Variants in FRA10AC1 observed in about 807,000 individuals in gnomAD.
The protein encoded by FRA10AC1 is protein FRA10AC1.
A neutral mutation model predicts 56.5 loss-of-function variants in FRA10AC1; 43 were observed. That is an observed-to-expected ratio of 0.76 (90% CI 0.60 to 0.98). The LOEUF (loss-of-function observed/expected upper bound fraction) is 0.98, where lower values mean the gene tolerates loss of function less well. Among genes scored for constraint, FRA10AC1 ranks in the 50% least tolerant of loss-of-function variants. FRA10AC1 has a pLI of 0.00. For synonymous variants in FRA10AC1, 112 were observed against 110.5 expected (o/e 1.01, Z -0.09); for missense variants, 346 against 351.8 (o/e 0.98, Z 0.13).
At chr10:93,693,430 T>C (rs11591585) in intron 5 of FRA10AC1, among the ~76,000 whole-genome samples, 53,007 of 134,420 alleles carry the variant, frequency 0.39, 13,338 homozygotes, top group Non-Finnish European at 0.52. Context: ...GCTATGGAAC[T>C]GACCAAAGTG....
chr10:93,674,064 T>C lies in FRA10AC1; in HGVS notation c.826+2589A>G, dbSNP rs77413244. 1,128 of 153,962 alleles carry C rather than the reference T, an allele frequency of 7.3e-3. 18 individuals are homozygous for C. Among genetic ancestry groups the C allele is most frequent in the African/African-American group, 0.025 (1,044 of 41,612 alleles). 9.5% of individuals were successfully genotyped at this position (153,962 alleles called of 1,614,324 possible). On this transcript the variant is annotated intron_variant, in intron 12 of 13. Coordinates refer to ENST00000359204, the MANE Select transcript of FRA10AC1 (RefSeq NM_145246.5). ...ATTCTTTGGTTCTTGGGCGATCTCA[T>C]GTGCAAGGTGACTAAAGATAACAAT...
At chr10:93,686,370 C>T (rs1392545957) in intron 8 of FRA10AC1, among the ~76,000 whole-genome samples, 2 of 151,708 alleles carry the variant, frequency 1.3e-5, no homozygotes, top group Non-Finnish European at 3.0e-5. Context: ...TTTCCCTTTC[C>T]TAACTAGTCT....
chr10:93,681,355 A>G, intron 11 of FRA10AC1, 125 bp downstream of exon 11: 1 of 627,926 alleles, frequency 1.6e-6, no homozygotes, highest in Non-Finnish European at 2.7e-6. Flanking sequence ...ATTCTCAGCC[A>G]GTTTCCTCTC....
At chr10:93,688,702 A>T (rs2059072768) in intron 7 of FRA10AC1, among the ~76,000 whole-genome samples, 1 of 152,150 alleles carries the variant, frequency 6.6e-6, no homozygotes. Flanking sequence ...ACTTGGGAAG[A>T]TTACTTGAAC....
intron 4 of FRA10AC1, among the ~76,000 whole-genome samples, chr10:93,697,514 A>G (rs983184749): frequency 2.6e-5 from 4 of 152,212 alleles, no homozygotes; most frequent in Non-Finnish European, 5.9e-5. Flanking sequence ...AAATTCTCCA[A>G]TATTCTCAAC....
At chr10:93,684,493 GTC>G (rs1357133108) in intron 9 of FRA10AC1, among the ~76,000 whole-genome samples, 1 of 134,504 alleles carries the variant, frequency 7.4e-6, no homozygotes, top group Non-Finnish European at 1.6e-5. Flanking sequence ...CATAATTGTG[GTC>G]TCTTTTTTTT....
intron 2 of FRA10AC1, 53 bp downstream of exon 2, chr10:93,699,977 A>G (rs2059302344): frequency 1.1e-6 from 1 of 947,126 alleles, no homozygotes. Flanking sequence ...TTTATACTTC[A>G]TATTAATCTA....
chr10:93,692,176 A>G (rs1338770079), intron 6 of FRA10AC1, 83 bp from the exon 7 acceptor site: 7 of 914,292 alleles, frequency 7.7e-6, no homozygotes, highest in Non-Finnish European at 3.1e-6. Flanking sequence ...AAGAATACAT[A>G]CTACATAAAT....
Position 93,694,890 on chromosome 10 carries a change from AC to A in FRA10AC1, c.266del (p.Gly89ValfsTer37). The A allele has an allele frequency of 6.3e-7, 1 of 1,587,314 alleles. No homozygotes were observed. Among genetic ancestry groups the A allele is most frequent in the Non-Finnish European group, 8.7e-7 (1 of 1,155,888 alleles). Reference protein sequence around the residue: ...KFVNDYILYYGGKKEDFKRLG... With the variant: ...KFVNDYILYYXGKKEDFKRLG... ...AACGCTTGAAGTCTTCTTTTTTGCC[AC>A]CATAGTATAAAATATAGTCATTTAC... On this transcript the variant is annotated frameshift_variant, in exon 5 of 14. Coordinates refer to ENST00000359204, the MANE Select transcript of FRA10AC1 (RefSeq NM_145246.5). LOFTEE classifies it high-confidence loss of function.
chr10:93,670,178 A>T (rs1209212218), intron 13 of FRA10AC1, among the ~76,000 whole-genome samples: 1 of 152,112 alleles, frequency 6.6e-6, no homozygotes, highest in African/African-American at 2.4e-5. Context: ...GGCTTACTTT[A>T]TAACTTCTCT....
intron 10 of FRA10AC1, among the ~76,000 whole-genome samples, chr10:93,682,033 C>T (rs1360859564): frequency 6.6e-6 from 1 of 152,042 alleles, no homozygotes; most frequent in Non-Finnish European, 1.5e-5. Flanking sequence ...ATAGAAATTT[C>T]TACTCTTAAG....
At chr10:93,698,419 A>AGCT in intron 2 of FRA10AC1, 23 bp from the exon 3 acceptor site, 1 of 1,342,882 alleles carries the variant, frequency 7.4e-7, no homozygotes, top group South Asian at 1.3e-5. Context: ...GAAGAAAATA[A>AGCT]GAGTTCACTT....
Position 93,687,449 on chromosome 10 carries a change from A to G in FRA10AC1, c.466T>C (p.Phe156Leu). ...TTTTCTACTCGCCACCTAAATCCAA[A>G]CTGATAATAAAAAAATTACATTTAT... ...ADLSKYKENK[F>L]GFRWRVEKEV... is the part of the protein sequence containing the mutation. The change falls in exon 8 of 14, where the codon TTT (phenylalanine) becomes CTT (leucine). Residue 156 changes from phenylalanine (F) to leucine (L), a missense_variant and splice_region_variant. Transcript: ENST00000359204. 5 of 1,510,872 alleles carry G rather than the reference A, an allele frequency of 3.3e-6. No homozygotes were observed. Among genetic ancestry groups the G allele is most frequent in the Non-Finnish European group, 4.5e-6 (5 of 1,114,580 alleles). 93.6% of individuals were successfully genotyped at this position (1,510,872 alleles called of 1,614,324 possible).
intron 11 of FRA10AC1, among the ~76,000 whole-genome samples, chr10:93,678,592 G>A (rs1470909063): frequency 6.6e-6 from 1 of 152,036 alleles, no homozygotes; most frequent in Non-Finnish European, 1.5e-5. Flanking sequence ...GCACTTTGGG[G>A]GGCCAAGGTG....
intron 1 of FRA10AC1, among the ~76,000 whole-genome samples, chr10:93,701,834 C>T (rs1016167401): frequency 2.6e-5 from 4 of 152,158 alleles, no homozygotes; most frequent in African/African-American, 7.2e-5. Flanking sequence ...GATCAGCCTA[C>T]TAGATTTCAC....
intron 12 of FRA10AC1, 48 bp downstream of exon 12, chr10:93,676,605 C>CT: frequency 6.6e-7 from 1 of 1,512,502 alleles, no homozygotes; most frequent in Non-Finnish European, 8.8e-7. Flanking sequence ...ATCTAAATTG[C>CT]AAATACCTCA....
At chr10:93,697,308 G>C (rs1022843558) in intron 4 of FRA10AC1, among the ~76,000 whole-genome samples, 2 of 152,100 alleles carry the variant, frequency 1.3e-5, no homozygotes, top group African/African-American at 4.8e-5. Flanking sequence ...CTAGCTATTG[G>C]GTTAGGAGAT....
At chr10:93,686,254 A>G (rs1226036994) in intron 8 of FRA10AC1, among the ~76,000 whole-genome samples, 1 of 151,892 alleles carries the variant, frequency 6.6e-6, no homozygotes, top group African/African-American at 2.4e-5. Context: ...TTCCAAATGA[A>G]TATTTTATTA....
intron 7 of FRA10AC1, among the ~76,000 whole-genome samples, chr10:93,690,590 G>T (rs960676535): frequency 6.6e-6 from 1 of 151,676 alleles, no homozygotes; most frequent in East Asian, 1.9e-4. Flanking sequence ...AATTATGATG[G>T]TATTAGGAGG....
Sources: gnomAD v4.1 joint callset for allele counts (sites outside exome capture counted in the v4.1 genomes callset) on GRCh38, gnomAD v4.1.1 for gene constraint, MANE v1.5 for transcripts, NCBI Gene and HGNC (gene_info 2026-07-23, HGNC 2026-07-21) for gene names.